Variants in DCAF12 observed in about 807,000 individuals in gnomAD.
DCAF12 encodes the protein DDB1- and CUL4-associated factor 12.
DCAF12 carries 28 observed loss-of-function variants against 52.8 expected under a neutral mutation model. The ratio of observed to expected loss-of-function variants is 0.53; its 90% CI spans 0.39 to 0.73. The LOEUF (loss-of-function observed/expected upper bound fraction) is 0.73, where lower values mean the gene tolerates loss of function less well. Ranked by LOEUF, DCAF12 falls within the 30% of genes least tolerant of loss-of-function variation. The pLI is 0.00. For synonymous variants in DCAF12, 196 were observed against 215.5 expected (o/e 0.91, Z 0.79); for missense variants, 425 against 552.2 (o/e 0.77, Z 2.31).
At chr9:34,109,669 G>A (rs540949232) in intron 2 of DCAF12, 10 of 163,748 alleles carry the variant, frequency 6.1e-5, no homozygotes, top group Non-Finnish European at 1.2e-4. Flanking sequence ...GTCCTGTATG[G>A]TCTGGATGAG....
intron 1 of DCAF12, 116 bp downstream of exon 1, chr9:34,126,236 CCT>C (rs1483647285): frequency 1.6e-6 from 2 of 1,286,892 alleles, no homozygotes; most frequent in Non-Finnish European, 1.1e-6. Flanking sequence ...TGAACCCATT[CCT>C]GTTTTGCCTC....
At chr9:34,116,091 C>T (rs563317877) in intron 2 of DCAF12, among the ~76,000 whole-genome samples, 2 of 152,208 alleles carry the variant, frequency 1.3e-5, no homozygotes, top group East Asian at 1.9e-4. Context: ...GGGCTGGGTG[C>T]GGTGGCTCAC....
intron 4 of DCAF12, among the ~76,000 whole-genome samples, chr9:34,103,173 A>T (rs1481001838): frequency 6.6e-6 from 1 of 150,820 alleles, no homozygotes; most frequent in East Asian, 1.9e-4. Flanking sequence ...GCACTTTAGG[A>T]GGCCGAGGCA....
In DCAF12 at chr9:34,096,867, G is replaced by T. The variant is rs571296442; in HGVS notation, c.796-86C>A. 9.0e-5 allele frequency: 112 copies of T among 1,245,296 alleles called. 4 individuals carry two copies. The South Asian group carries it at 1.3e-3, about 15-fold the overall frequency. 77.1% of individuals were successfully genotyped at this position (1,245,296 alleles called of 1,614,324 possible). ...AGCAGGCGAGGATTCTAAGGTCAGGGTCCTTTATTCCTGTCTCGTGATGAT... is the reference window on the plus strand; with the variant it reads ...AGCAGGCGAGGATTCTAAGGTCAGGTTCCTTTATTCCTGTCTCGTGATGAT... On this transcript the variant is annotated intron_variant, in intron 5 of 8. Coordinates refer to ENST00000361264, the MANE Select transcript of DCAF12 (RefSeq NM_015397.4).
intron 2 of DCAF12, among the ~76,000 whole-genome samples, chr9:34,113,881 G>T (rs1349330629): frequency 6.6e-6 from 1 of 152,080 alleles, no homozygotes; most frequent in African/African-American, 2.4e-5. Flanking sequence ...GGCCAAGGCA[G>T]GCGGATCATG....
intron 2 of DCAF12, chr9:34,109,880 CT>C (rs1383739348): frequency 1.7e-4 from 43 of 253,810 alleles, no homozygotes; most frequent in Admixed American, 1.6e-3. Context: ...AAGGTCTCGT[CT>C]GTGTTTTCTG....
At chr9:34,088,974 G>A (rs1828602925) in intron 8 of DCAF12, among the ~76,000 whole-genome samples, 1 of 151,860 alleles carries the variant, frequency 6.6e-6, no homozygotes, top group South Asian at 2.1e-4. Flanking sequence ...GCCGGGCACA[G>A]TGCATATGCC....
intron 2 of DCAF12, among the ~76,000 whole-genome samples, chr9:34,108,589 C>T (rs547862176): frequency 1.3e-5 from 2 of 152,068 alleles, no homozygotes; most frequent in African/African-American, 4.8e-5. Flanking sequence ...CTTGAGAGTT[C>T]GAGATCAGCC....
Position 34,087,014 on chromosome 9 carries a change from A to T in DCAF12, c.*1336T>A, listed in dbSNP as rs1828566709. 6.6e-6 allele frequency: 1 copy of T among 152,180 alleles called. No individual in the cohort carries two copies. Among genetic ancestry groups the T allele is most frequent in the Non-Finnish European group, 1.5e-5 (1 of 68,042 alleles). 9.4% of individuals were successfully genotyped at this position (152,180 alleles called of 1,614,324 possible). On this transcript the variant is annotated 3_prime_UTR_variant, in exon 9 of 9. Coordinates refer to ENST00000361264, the MANE Select transcript of DCAF12 (RefSeq NM_015397.4). Reference sequence around the variant, plus strand: ...TGTGTAAAAATCAGGGAACAAGTGGACATCACAGTCAGCTGCCTGCAAGTT... The same window carrying T: ...TGTGTAAAAATCAGGGAACAAGTGGTCATCACAGTCAGCTGCCTGCAAGTT...
In DCAF12 at chr9:34,103,918, C is replaced by G. The variant is rs1470318340; in HGVS notation, c.601+2516G>C. ...CCAGTAAACTTATTTGCCAGTTCTC[C>G]TTTGAGACCAAGAAGGTGCCCTTCC... On this transcript the variant is annotated intron_variant, in intron 4 of 8. Coordinates refer to ENST00000361264, the MANE Select transcript of DCAF12 (RefSeq NM_015397.4). Among the ~76,000 whole-genome samples, 3 of 152,104 alleles carry G rather than the reference C, an allele frequency of 2.0e-5. No individual in the cohort carries two copies. In the East Asian group the frequency reaches 5.8e-4, roughly 29 times the overall value.
chr9:34,092,825 G>A (rs1326563792), intron 7 of DCAF12, among the ~76,000 whole-genome samples: 1 of 152,092 alleles, frequency 6.6e-6, no homozygotes, highest in Non-Finnish European at 1.5e-5. Flanking sequence ...AAAGTCTAGT[G>A]CCCTTTTGTG....
In DCAF12 at chr9:34,107,560, A is replaced by G; in HGVS notation, c.339T>C (p.Phe113=). The change falls in exon 3 of 9, where the codon TTT becomes TTC. Residue 113 remains phenylalanine, a synonymous_variant. Transcript: ENST00000361264. ...VVCGTKCNTL[F]VVDVQTSQIT... ...TCTGGCTTGTCTGGACATCTACGAC[A>G]AATAGCTACAAGAAAAAATGGATAC... The G allele has an allele frequency of 6.2e-7, 1 of 1,614,090 alleles. No homozygotes were observed. Among genetic ancestry groups the G allele is most frequent in the Non-Finnish European group, 8.5e-7 (1 of 1,179,968 alleles).
chr9:34,092,767 G>A (rs1238145428), intron 7 of DCAF12, among the ~76,000 whole-genome samples: 1 of 152,096 alleles, frequency 6.6e-6, no homozygotes, highest in Non-Finnish European at 1.5e-5. Context: ...CCTGACTGGT[G>A]GCTCCCAACA....
rs34481024 is a variant in DCAF12, at chr9:34,120,203, C to CA, written c.333+4819dup. On this transcript the variant is annotated intron_variant, in intron 2 of 8. Coordinates refer to ENST00000361264, the MANE Select transcript of DCAF12 (RefSeq NM_015397.4). ...GGGCAACAAGAATGAAAGTCCGTCT[C>CA]AAAAAAAAAAAAAAAAAAAAAAAAA... is the stretch of plus-strand genomic sequence containing the variant. Among the ~76,000 whole-genome samples, 120 of 26,226 alleles carry CA rather than the reference C, an allele frequency of 4.6e-3. 18 individuals are homozygous for CA. The highest frequency in any genetic ancestry group is 0.014 in the African/African-American group (73 of 5,302). 17.2% of individuals were successfully genotyped at this position (26,226 alleles called of 152,430 possible).
chr9:34,117,139 CCA>C (rs1392148736), intron 2 of DCAF12, among the ~76,000 whole-genome samples: 1 of 152,088 alleles, frequency 6.6e-6, no homozygotes, highest in Admixed American at 6.6e-5. Flanking sequence ...TGATGTTTCG[CCA>C]CAGAATCATG....
chr9:34,112,446 CA>C (rs752140154), intron 2 of DCAF12, among the ~76,000 whole-genome samples: 40 of 150,980 alleles, frequency 2.6e-4, no homozygotes, highest in Non-Finnish European at 5.2e-4. Context: ...ATACAAAAAT[CA>C]GCCAGGTGTG....
intron 2 of DCAF12, among the ~76,000 whole-genome samples, chr9:34,116,240 C>T (rs1033304773): frequency 1.3e-5 from 2 of 151,786 alleles, no homozygotes; most frequent in Non-Finnish European, 1.5e-5. Context: ...GCCTTTAATC[C>T]CAGTTACTCG....
intron 7 of DCAF12, among the ~76,000 whole-genome samples, chr9:34,092,432 A>G (rs12551373): frequency 0.38 from 57,666 of 152,014 alleles, 11,271 homozygotes; most frequent in South Asian, 0.41. Flanking sequence ...TCACGCCTGT[A>G]ATCTCAGCAC....
chr9:34,110,368 A>C (rs1828979359), intron 2 of DCAF12, among the ~76,000 whole-genome samples: 1 of 151,842 alleles, frequency 6.6e-6, no homozygotes, highest in African/African-American at 2.4e-5. Context: ...TGCCTAACCT[A>C]CCTCCTAAAT....
Sources: allele counts gnomAD v4.1 joint callset (sites outside exome capture counted in the v4.1 genomes callset), GRCh38; gene constraint gnomAD v4.1.1; transcripts MANE v1.5; gene names NCBI Gene and HGNC (gene_info 2026-07-23, HGNC 2026-07-21).